Variants in GRIA3 observed in about 807,000 individuals in gnomAD.
The protein encoded by GRIA3 is glutamate ionotropic receptor AMPA type subunit 3.
A neutral mutation model predicts 63.0 loss-of-function variants in GRIA3; 3 were observed. The ratio of observed to expected loss-of-function variants is 0.05; its 90% CI spans 0.02 to 0.12. The LOEUF is 0.12. Among genes scored for constraint, GRIA3 ranks in the 10% least tolerant of loss-of-function variants. The probability of loss-of-function intolerance (pLI) is 1.00; values close to 1 mark genes in which losing one functional copy is unlikely to be tolerated. For missense variants in GRIA3, 347 were observed against 700.9 expected (o/e 0.50, Z 5.70); for synonymous variants, 274 against 257.9 (o/e 1.06, Z -0.60).
intron 3 of GRIA3, among the ~76,000 whole-genome samples, chrX:123,314,689 C>A (rs1337822096): frequency 3.6e-5 from 4 of 111,707 alleles, no homozygotes; most frequent in East Asian, 2.8e-4. Flanking sequence ...AATTCACCAA[C>A]AGGGAGACAA....
At chrX:123,336,079 G>A (rs1198100635) in intron 4 of GRIA3, among the ~76,000 whole-genome samples, 1 of 111,626 alleles carries the variant, frequency 9.0e-6, no homozygotes, top group Non-Finnish European at 1.9e-5. Context: ...GTTTTGTGAG[G>A]GCTGCAAGAA....
At chrX:123,261,137 G>A (rs573373632) in intron 3 of GRIA3, among the ~76,000 whole-genome samples, 3 of 111,299 alleles carry the variant, frequency 2.7e-5, no homozygotes, top group African/African-American at 6.5e-5. Flanking sequence ...TTAGTAGCTC[G>A]TTCCTGGGGT....
intron 5 of GRIA3, among the ~76,000 whole-genome samples, chrX:123,361,054 G>GA (rs1475135835): frequency 9.1e-6 from 1 of 110,485 alleles, no homozygotes. Context: ...TCATAAGATT[G>GA]AACCCAAACA....
At chrX:123,272,161 A>T (rs949055489) in intron 3 of GRIA3, among the ~76,000 whole-genome samples, 3 of 111,382 alleles carry the variant, frequency 2.7e-5, no homozygotes, top group Non-Finnish European at 5.7e-5. Context: ...TTCTCAGCCA[A>T]ATAGAAGGGC....
At chrX:123,459,197 T>C (rs1322764383) in intron 12 of GRIA3, among the ~76,000 whole-genome samples, 1 of 111,685 alleles carries the variant, frequency 9.0e-6, no homozygotes, top group Admixed American at 9.6e-5. Context: ...TTTATGTACT[T>C]AGCAAGTGTG....
chrX:123,292,640 T>C (rs915489831), intron 3 of GRIA3, among the ~76,000 whole-genome samples: 1 of 111,534 alleles, frequency 9.0e-6, no homozygotes, highest in African/African-American at 3.3e-5. Context: ...GCTGCTTTGA[T>C]GTGAATGAGG....
At chrX:123,330,936 A>G (rs908766968) in intron 4 of GRIA3, among the ~76,000 whole-genome samples, 1 of 112,400 alleles carries the variant, frequency 8.9e-6, no homozygotes, top group Admixed American at 9.4e-5. Context: ...AAATATCCTT[A>G]TAGAAGACTT....
chrX:123,386,525 C>A (rs943358333), intron 5 of GRIA3, among the ~76,000 whole-genome samples: 1 of 111,391 alleles, frequency 9.0e-6, no homozygotes, highest in African/African-American at 3.3e-5. Flanking sequence ...GCCATAAAAT[C>A]TTTGCCTACA....
At chrX:123,463,765 G>GAAGAGAAAGAAAGAAAAAGA (rs2045818560) in intron 12 of GRIA3, among the ~76,000 whole-genome samples, 7 of 87,904 alleles carry the variant, frequency 8.0e-5, no homozygotes, top group Non-Finnish European at 1.4e-4. Context: ...GAGAAAGAAA[G>GAAGAGAAAGAAAGAAAAAGA]AAGAGAAAGA....
chrX:123,266,732 C>A (rs931720366), intron 3 of GRIA3, among the ~76,000 whole-genome samples: 4 of 111,717 alleles, frequency 3.6e-5, no homozygotes, highest in African/African-American at 1.3e-4. Context: ...CTTCTCCACC[C>A]ATCCCTTAAC....
intron 5 of GRIA3, among the ~76,000 whole-genome samples, chrX:123,378,009 CTG>C (rs1487206830): frequency 8.9e-6 from 1 of 112,096 alleles, no homozygotes; most frequent in Non-Finnish European, 1.9e-5. Context: ...CCTAAAATAA[CTG>C]TGATCCTCAG....
At chrX:123,349,964 C>T (rs1207747031) in intron 4 of GRIA3, among the ~76,000 whole-genome samples, 1 of 110,687 alleles carries the variant, frequency 9.0e-6, no homozygotes, top group East Asian at 2.8e-4. Context: ...ATTCAACTTC[C>T]AACATAGCCA....
intron 4 of GRIA3, among the ~76,000 whole-genome samples, chrX:123,347,186 A>C (rs751205055): frequency 8.3e-4 from 93 of 112,228 alleles, no homozygotes; most frequent in African/African-American, 2.9e-3. Context: ...AAGGTGGATG[A>C]GCTGGCAGAG....
chrX:123,218,169 T>A (rs1928205960), intron 2 of GRIA3, among the ~76,000 whole-genome samples: 1 of 112,242 alleles, frequency 8.9e-6, no homozygotes, highest in African/African-American at 3.2e-5. Flanking sequence ...CTTGTATGCC[T>A]GGCACCTGGG....
At chrX:123,387,851 T>G (rs1255341561) in intron 5 of GRIA3, among the ~76,000 whole-genome samples, 1 of 112,397 alleles carries the variant, frequency 8.9e-6, no homozygotes, top group Non-Finnish European at 1.9e-5. Flanking sequence ...TTGAGGACTT[T>G]TGCATCTATG....
At chrX:123,307,917 A>AT (rs2044765399) in intron 3 of GRIA3, among the ~76,000 whole-genome samples, 1 of 110,708 alleles carries the variant, frequency 9.0e-6, no homozygotes. Flanking sequence ...AGTAGTGTTG[A>AT]TTTTCCCTGG....
chrX:123,371,363 T>C (rs1337652791), intron 5 of GRIA3, among the ~76,000 whole-genome samples: 3 of 110,540 alleles, frequency 2.7e-5, no homozygotes, highest in African/African-American at 9.8e-5. Context: ...AGGTATCTCT[T>C]TGAGATCCTG....
At chrX:123,326,337 C>A in intron 4 of GRIA3, 124 bp downstream of exon 4, 1 of 413,746 alleles carries the variant, frequency 2.4e-6, no homozygotes. Flanking sequence ...TTGATAGTCT[C>A]TCTAATCCTT....
intron 5 of GRIA3, among the ~76,000 whole-genome samples, chrX:123,375,215 C>T (rs1044945718): frequency 1.8e-5 from 2 of 111,689 alleles, no homozygotes; most frequent in Non-Finnish European, 3.8e-5. Context: ...TGTCCTTCAT[C>T]GTGTTGATAT....
Sources: gnomAD v4.1 joint callset for allele counts (sites outside exome capture counted in the v4.1 genomes callset) on GRCh38, gnomAD v4.1.1 for gene constraint, MANE v1.5 for transcripts, NCBI Gene and HGNC (gene_info 2026-07-23, HGNC 2026-07-21) for gene names.